The following TRPM3 variants were observed in gnomAD, a reference collection of about 807,000 sequenced individuals.
The protein encoded by TRPM3 is long transient receptor potential channel 3.
TRPM3 carries 77 observed loss-of-function variants against 181.2 expected under a neutral mutation model. That is an observed-to-expected ratio of 0.42 (90% CI 0.35 to 0.51). The LOEUF is 0.51. Among genes scored for constraint, TRPM3 ranks in the 20% least tolerant of loss-of-function variants. TRPM3 has a pLI of 0.01. For synonymous variants in TRPM3, 745 were observed against 796.4 expected (o/e 0.94, Z 1.09); for missense variants, 1,759 against 2,196.7 (o/e 0.80, Z 3.98).
chr9:71,068,321 T>G (rs116094723), intron 1 of TRPM3, among the ~76,000 whole-genome samples: 435 of 152,338 alleles, frequency 2.9e-3, no homozygotes, highest in African/African-American at 9.8e-3. Context: ...TACAGAGGAC[T>G]GTACTTTCTC....
chr9:70,700,136 C>A (rs961722155), intron 8 of TRPM3, among the ~76,000 whole-genome samples: 1 of 152,144 alleles, frequency 6.6e-6, no homozygotes. Context: ...GCATGTGCCA[C>A]CATGCCCGGC....
At position 71,401,197 on chromosome 9, in the gene TRPM3, C is replaced by CAAAAAAA. The variant is rs59425467; in HGVS notation, c.183+45449_183+45455dup. Among the ~76,000 whole-genome samples the CAAAAAAA allele has an allele frequency of 2.5e-4, 26 of 105,760 alleles. 1 individual carries two copies. The highest frequency in any genetic ancestry group is 7.9e-4 in the African/African-American group (20 of 25,262). The allele number at this position is 105,760 out of a possible 152,430, so 69.4% of individuals were successfully genotyped here. A position where few individuals can be genotyped will look rare whatever the true frequency, so the allele number is the denominator to read the frequency against. ...TAAGGGTCAAAGTGAGACACCATCG[C>CAAAAAAA]AAAAAAAAAAAAAAAAAAAGAATCT... is the stretch of plus-strand genomic sequence containing the variant. On this transcript the variant is annotated intron_variant, in intron 1 of 24. Coordinates refer to the TRPM3 transcript ENST00000357533.
chr9:70,654,339 C>T (rs545689542), intron 9 of TRPM3, among the ~76,000 whole-genome samples: 4 of 152,166 alleles, frequency 2.6e-5, no homozygotes, highest in East Asian at 1.9e-4. Context: ...GTGTCTGGTG[C>T]GTTGACCTCC....
At chr9:71,267,775 AT>A (rs1313166156) in intron 1 of TRPM3, among the ~76,000 whole-genome samples, 4 of 152,150 alleles carry the variant, frequency 2.6e-5, no homozygotes, top group Admixed American at 2.0e-4. Context: ...ATGACGGACA[AT>A]GGCCTTGTAT....
intron 1 of TRPM3, among the ~76,000 whole-genome samples, chr9:71,220,811 A>G (rs897455227): frequency 4.7e-4 from 72 of 152,238 alleles, no homozygotes; most frequent in African/African-American, 1.7e-3. Flanking sequence ...GAGCGCTCCC[A>G]AGGAAAAAGC....
intron 1 of TRPM3, among the ~76,000 whole-genome samples, chr9:71,108,290 C>T (rs963014995): frequency 2.0e-4 from 30 of 152,138 alleles, no homozygotes; most frequent in African/African-American, 6.8e-4. Context: ...AGATCGCTTG[C>T]CATGCCTTCT....
intron 1 of TRPM3, among the ~76,000 whole-genome samples, chr9:71,100,469 T>C (rs2068153975): frequency 6.6e-6 from 1 of 152,140 alleles, no homozygotes; most frequent in African/African-American, 2.4e-5. Context: ...TCCTTCAGTC[T>C]AATTAACCCT....
chr9:71,042,638 G>T (rs1467013969), intron 1 of TRPM3, among the ~76,000 whole-genome samples: 4 of 152,114 alleles, frequency 2.6e-5, no homozygotes, highest in Non-Finnish European at 4.4e-5. Context: ...ACATGTAAAA[G>T]AAGTGACCTT....
chr9:70,631,939 T>C (rs2065932101), intron 12 of TRPM3, among the ~76,000 whole-genome samples: 1 of 152,212 alleles, frequency 6.6e-6, no homozygotes, highest in African/African-American at 2.4e-5. Flanking sequence ...GTTATTTACA[T>C]ATAGTTTTAC....
At chr9:70,906,030 TTTC>T (rs1405390910) in intron 1 of TRPM3, among the ~76,000 whole-genome samples, 4 of 152,214 alleles carry the variant, frequency 2.6e-5, no homozygotes, top group African/African-American at 9.6e-5. Context: ...CAGAGATTCA[TTTC>T]TTGTTTGAGA....
chr9:70,636,619 A>T (rs2057244605), intron 11 of TRPM3, among the ~76,000 whole-genome samples: 1 of 152,038 alleles, frequency 6.6e-6, no homozygotes, highest in Admixed American at 6.6e-5. Context: ...TCTGAAATTC[A>T]CATTTAACTG....
At chr9:71,140,688 G>A (rs1346103203) in intron 1 of TRPM3, among the ~76,000 whole-genome samples, 1 of 151,996 alleles carries the variant, frequency 6.6e-6, no homozygotes, top group South Asian at 2.1e-4. Context: ...CATTTATTGA[G>A]CTTTTGCTAT....
At chr9:71,419,819 CATAAT>C (rs1274634103) in intron 1 of TRPM3, among the ~76,000 whole-genome samples, 6 of 151,858 alleles carry the variant, frequency 4.0e-5, no homozygotes, top group African/African-American at 7.2e-5. Flanking sequence ...ATTTCCTTCT[CATAAT>C]ATATCAGACT....
intron 12 of TRPM3, among the ~76,000 whole-genome samples, chr9:70,631,776 T>C (rs1468662412): frequency 6.6e-6 from 1 of 152,220 alleles, no homozygotes; most frequent in East Asian, 1.9e-4. Context: ...ATTGTTCCCT[T>C]GATATAAATA....
intron 1 of TRPM3, among the ~76,000 whole-genome samples, chr9:70,928,494 G>A (rs1184638082): frequency 6.6e-6 from 1 of 152,138 alleles, no homozygotes; most frequent in African/African-American, 2.4e-5. Context: ...GCCAATTATG[G>A]TGTCTTTCTT....
intron 1 of TRPM3, among the ~76,000 whole-genome samples, chr9:71,079,366 T>C (rs965999592): frequency 6.6e-6 from 1 of 152,168 alleles, no homozygotes; most frequent in Non-Finnish European, 1.5e-5. Context: ...TCAGGATGGC[T>C]TCTGTCATAA....
intron 1 of TRPM3, among the ~76,000 whole-genome samples, chr9:70,969,061 C>T (rs112109737): frequency 2.0e-5 from 3 of 152,160 alleles, no homozygotes; most frequent in Admixed American, 6.5e-5. Context: ...AAACTATCAT[C>T]GGACTGATGA....
intron 1 of TRPM3, among the ~76,000 whole-genome samples, chr9:71,299,693 T>C (rs74954425): frequency 0.011 from 1,681 of 152,276 alleles, 27 homozygotes; most frequent in East Asian, 0.076. Flanking sequence ...GAACTTTCCA[T>C]GTAAAAGTTG....
chr9:70,757,471 A>C (rs920150325), intron 8 of TRPM3, among the ~76,000 whole-genome samples: 3 of 152,160 alleles, frequency 2.0e-5, no homozygotes, highest in African/African-American at 7.2e-5. Context: ...GGACTCCTCT[A>C]TAACTCGTTT....
Sources: gnomAD v4.1 joint callset for allele counts (sites outside exome capture counted in the v4.1 genomes callset) on GRCh38, gnomAD v4.1.1 for gene constraint, MANE v1.5 for transcripts, NCBI Gene and HGNC (gene_info 2026-07-23, HGNC 2026-07-21) for gene names.